The following OSBPL10 variants were observed in gnomAD, a reference collection of about 807,000 sequenced individuals.
The protein encoded by OSBPL10 is oxysterol-binding protein-related protein 10.
In OSBPL10, 49 loss-of-function variants were observed where a neutral mutation model predicts 81.7. The observed-to-expected ratio is 0.60, with a 90% confidence interval of 0.48 to 0.76. The LOEUF (loss-of-function observed/expected upper bound fraction) is 0.76, where lower values mean the gene tolerates loss of function less well. Ranked by LOEUF, OSBPL10 falls within the 30% of genes least tolerant of loss-of-function variation. The probability of loss-of-function intolerance (pLI) is 0.00; values close to 1 mark genes in which losing one functional copy is unlikely to be tolerated. For synonymous variants in OSBPL10, 419 were observed against 383.6 expected, an observed-to-expected ratio of 1.09 and a Z score of -1.08; for missense variants, 923 against 987.8, an observed-to-expected ratio of 0.93 and a Z score of 0.88.
intron 8 of OSBPL10, among the ~76,000 whole-genome samples, chr3:31,680,683 G>A: frequency 6.6e-6 from 1 of 152,152 alleles, no homozygotes; most frequent in Non-Finnish European, 1.5e-5. Flanking sequence ...GGGCTGGAGT[G>A]GACTTGGAAG....
At chr3:32,049,906 C>A (rs941701383) in intron 1 of OSBPL10, among the ~76,000 whole-genome samples, 3 of 152,170 alleles carry the variant, frequency 2.0e-5, no homozygotes, top group Non-Finnish European at 4.4e-5. Flanking sequence ...TTCCCCACCT[C>A]GCTGCAGTCA....
At chr3:31,684,219 C>G in intron 7 of OSBPL10, 105 bp from the exon 8 acceptor site, 10 of 1,441,350 alleles carry the variant, frequency 6.9e-6, no homozygotes, top group Non-Finnish European at 9.3e-6. Flanking sequence ...CATAACATCT[C>G]CAGCCAGGGA....
At chr3:31,713,177 G>A (rs1380679251) in intron 6 of OSBPL10, among the ~76,000 whole-genome samples, 5 of 151,922 alleles carry the variant, frequency 3.3e-5, no homozygotes, top group Non-Finnish European at 7.4e-5. Flanking sequence ...TCCTGACTGT[G>A]GCCCGTGAGG....
At chr3:31,933,473 T>C (rs538442802) in intron 1 of OSBPL10, among the ~76,000 whole-genome samples, 1 of 152,046 alleles carries the variant, frequency 6.6e-6, no homozygotes, top group Non-Finnish European at 1.5e-5. Flanking sequence ...GGTGCTATCA[T>C]AGCTCACTGC....
chr3:32,022,292 G>A (rs1699368881), intron 2 of OSBPL10, among the ~76,000 whole-genome samples: 1 of 152,194 alleles, frequency 6.6e-6, no homozygotes, highest in South Asian at 2.1e-4. Flanking sequence ...ATGTATTGCA[G>A]GGCACCAAAC....
At chr3:31,930,942 A>G (rs1230734851) in intron 1 of OSBPL10, among the ~76,000 whole-genome samples, 4 of 140,446 alleles carry the variant, frequency 2.8e-5, no homozygotes, top group Non-Finnish European at 3.0e-5. Context: ...TGAACCCAGG[A>G]GGCGGAGCTT....
At chr3:31,701,054 C>T (rs1360454837) in intron 7 of OSBPL10, among the ~76,000 whole-genome samples, 2 of 152,200 alleles carry the variant, frequency 1.3e-5, no homozygotes, top group Non-Finnish European at 2.9e-5. Flanking sequence ...CCCATGAAAA[C>T]ACTTCAAAGA....
chr3:32,031,554 C>A (rs1207653739), intron 2 of OSBPL10, among the ~76,000 whole-genome samples: 2 of 152,048 alleles, frequency 1.3e-5, no homozygotes, highest in African/African-American at 2.4e-5. Context: ...CTCTGCCCCC[C>A]AGTTTCAAGT....
intron 4 of OSBPL10, among the ~76,000 whole-genome samples, chr3:31,794,203 G>A (rs1050960356): frequency 6.6e-6 from 1 of 152,190 alleles, no homozygotes; most frequent in Non-Finnish European, 1.5e-5. Flanking sequence ...GGAGTGCAAT[G>A]GCACAATCTC....
chr3:31,895,937 C>T (rs190530626), intron 1 of OSBPL10, among the ~76,000 whole-genome samples: 12 of 152,298 alleles, frequency 7.9e-5, no homozygotes, highest in African/African-American at 2.9e-4. Context: ...CCTGTTTCAG[C>T]AATGCACTCA....
chr3:31,704,106 T>C (rs1695985176), intron 6 of OSBPL10: 1 of 152,458 alleles, frequency 6.6e-6, no homozygotes, highest in African/African-American at 2.4e-5. Flanking sequence ...CACCCCGTGC[T>C]GCTGCGTGAC....
At chr3:31,831,551 T>C (rs948195418) in intron 3 of OSBPL10, among the ~76,000 whole-genome samples, 2 of 151,718 alleles carry the variant, frequency 1.3e-5, no homozygotes, top group Non-Finnish European at 2.9e-5. Context: ...AGGAAAAATG[T>C]AGAGCTGGAA....
At chr3:31,874,257 A>G (rs1465686904) in intron 3 of OSBPL10, among the ~76,000 whole-genome samples, 2 of 152,256 alleles carry the variant, frequency 1.3e-5, no homozygotes, top group Admixed American at 6.5e-5. Flanking sequence ...TGATTTAAAT[A>G]TAATAATTAA....
At chr3:31,858,674 G>A (rs1700986462) in intron 3 of OSBPL10, among the ~76,000 whole-genome samples, 1 of 152,208 alleles carries the variant, frequency 6.6e-6, no homozygotes, top group African/African-American at 2.4e-5. Flanking sequence ...AGAGCCTAGA[G>A]CACTTGCCTT....
At chr3:32,049,461 A>G (rs944614468) in intron 1 of OSBPL10, among the ~76,000 whole-genome samples, 1 of 152,160 alleles carries the variant, frequency 6.6e-6, no homozygotes, top group Non-Finnish European at 1.5e-5. Context: ...GGCCCAACTT[A>G]GGAGAGTCTC....
At chr3:31,975,827 C>G (rs1203892309) in intron 1 of OSBPL10, among the ~76,000 whole-genome samples, 1 of 152,198 alleles carries the variant, frequency 6.6e-6, no homozygotes, top group Non-Finnish European at 1.5e-5. Flanking sequence ...AATACTTACT[C>G]TACCCTTACT....
chr3:31,712,309 G>A (rs1452831384), intron 6 of OSBPL10, among the ~76,000 whole-genome samples: 1 of 152,218 alleles, frequency 6.6e-6, no homozygotes, highest in Non-Finnish European at 1.5e-5. Context: ...GAGGTGGGCA[G>A]GATAGCAGAC....
intron 2 of OSBPL10, among the ~76,000 whole-genome samples, chr3:32,010,751 C>A (rs1016062821): frequency 6.6e-6 from 1 of 152,174 alleles, no homozygotes; most frequent in Non-Finnish European, 1.5e-5. Context: ...CCTAATACTG[C>A]GATTTTCCGA....
intron 1 of OSBPL10, among the ~76,000 whole-genome samples, chr3:31,905,950 C>A (rs1172479511): frequency 6.6e-6 from 1 of 151,592 alleles, no homozygotes; most frequent in African/African-American, 2.4e-5. Flanking sequence ...TCAGATCCAG[C>A]CTGAATTTTG....
Sources: allele counts gnomAD v4.1 joint callset (sites outside exome capture counted in the v4.1 genomes callset), GRCh38; gene constraint gnomAD v4.1.1; transcripts MANE v1.5; gene names NCBI Gene and HGNC (gene_info 2026-07-23, HGNC 2026-07-21).